Variants in CCDC3 observed in about 807,000 individuals in gnomAD.
CCDC3 encodes coiled-coil domain-containing protein 3.
Under a neutral mutation model 21.4 loss-of-function variants are expected in CCDC3, and 24 were observed. That is an observed-to-expected ratio of 1.12 (90% CI 0.81 to 1.58). The LOEUF is 1.58. Among genes scored for constraint, CCDC3 ranks in the 40% most tolerant of loss-of-function variants. The pLI is 0.00. For synonymous variants in CCDC3, 186 were observed against 166.0 expected, an observed-to-expected ratio of 1.12 and a Z score of -0.93; for missense variants, 425 against 360.9, an observed-to-expected ratio of 1.18 and a Z score of -1.44.
At chr10:12,951,441 G>T (rs1422817973) in intron 2 of CCDC3, among the ~76,000 whole-genome samples, 1 of 152,168 alleles carries the variant, frequency 6.6e-6, no homozygotes, top group East Asian at 1.9e-4. Context: ...GCAGTGGGCT[G>T]TGAAATCCAT....
intron 5 of CCDC3, among the ~76,000 whole-genome samples, chr10:13,033,643 A>C (rs546380290): frequency 6.6e-6 from 1 of 152,350 alleles, no homozygotes; most frequent in African/African-American, 2.4e-5. Context: ...ACAAATTTAC[A>C]AGAAAAAAGC....
upstream of CCDC3, among the ~76,000 whole-genome samples, chr10:13,003,338 G>T (rs974757422): frequency 6.6e-6 from 1 of 150,832 alleles, no homozygotes; most frequent in African/African-American, 2.5e-5. Context: ...TCATTTTACA[G>T]ATAACAGGCA....
intron 2 of CCDC3, among the ~76,000 whole-genome samples, chr10:12,956,660 C>T (rs1407648091): frequency 6.6e-6 from 1 of 152,250 alleles, no homozygotes. Context: ...CAAAGACTCT[C>T]TCCTGGACTA....
intron 2 of CCDC3, among the ~76,000 whole-genome samples, chr10:12,993,333 C>T (rs1178209148): frequency 8.5e-5 from 13 of 152,120 alleles, no homozygotes; most frequent in Non-Finnish European, 1.9e-4. Context: ...GGGATCTGCC[C>T]ACGGTCATTC....
intron 3 of CCDC3, among the ~76,000 whole-genome samples, chr10:13,087,136 G>A (rs1216555266): frequency 1.3e-5 from 2 of 152,180 alleles, no homozygotes; most frequent in Non-Finnish European, 2.9e-5. Context: ...CGGGCATGGT[G>A]GCTCACGCCT....
In CCDC3 at chr10:13,001,674, G is replaced by C. The variant is rs1415687898; in HGVS notation, c.-104C>G. On this transcript the variant is annotated 5_prime_UTR_variant, in exon 1 of 3. Transcript: ENST00000378825. ...GCTCGGCTGCTCGGGCCGCTCCCGG[G>C]AGCTGAGCGCACCGCTGTCTCCGCC... The C allele has an allele frequency of 6.5e-6, 5 of 770,930 alleles. No individual in the cohort carries two copies. Among genetic ancestry groups the C allele is most frequent in the Admixed American group, 5.7e-5 (1 of 17,398 alleles). The allele number at this position is 770,930 out of a possible 1,614,324, so 47.8% of individuals were successfully genotyped here. A position where few individuals can be genotyped will look rare whatever the true frequency, so the allele number is the denominator to read the frequency against.
At chr10:13,077,637 C>CCTG (rs1554766170) in intron 3 of CCDC3, among the ~76,000 whole-genome samples, 1 of 151,074 alleles carries the variant, frequency 6.6e-6, no homozygotes, top group Non-Finnish European at 1.5e-5. Context: ...ACCAAAACAG[C>CCTG]ACAGTACTGG....
In CCDC3 at chr10:12,968,202, T is replaced by TACACACACACACACACAC. The variant is rs71386134; in HGVS notation, c.549+30118_549+30135dup. Among the ~76,000 whole-genome samples, 503 of 143,558 alleles carry TACACACACACACACACAC rather than the reference T, an allele frequency of 3.5e-3. 7 individuals are homozygous for TACACACACACACACACAC. The highest frequency in any genetic ancestry group is 0.025 in the East Asian group (122 of 4,868). 94.2% of individuals were successfully genotyped at this position (143,558 alleles called of 152,430 possible). ...AAAAGAAAATACAAACACACACACA[T>TACACACACACACACACAC]ACACACACACACACACACACACAGA... On this transcript the variant is annotated intron_variant, in intron 2 of 2. Coordinates refer to ENST00000378825, the MANE Select transcript of CCDC3 (RefSeq NM_031455.4).
At chr10:13,073,826 C>T (rs950543743) in intron 4 of CCDC3, 6 of 152,116 alleles carry the variant, frequency 3.9e-5, no homozygotes, top group Admixed American at 2.6e-4. Context: ...AAAAGCTTAG[C>T]AATGAGAGAA....
At chr10:12,901,694 C>T (rs1169838059) in intron 2 of CCDC3, among the ~76,000 whole-genome samples, 2 of 152,188 alleles carry the variant, frequency 1.3e-5, no homozygotes, top group South Asian at 2.1e-4. Context: ...ACCATGCCCT[C>T]GTGCACAGTA....
chr10:13,037,731 G>C (rs1836395645), intron 5 of CCDC3, among the ~76,000 whole-genome samples: 1 of 152,326 alleles, frequency 6.6e-6, no homozygotes, highest in East Asian at 1.9e-4. Context: ...GGAGGCCAAG[G>C]TGGGAGGATT....
At chr10:13,086,613 A>AT (rs1246424450) in intron 3 of CCDC3, among the ~76,000 whole-genome samples, 1 of 151,542 alleles carries the variant, frequency 6.6e-6, no homozygotes, top group East Asian at 1.9e-4. Flanking sequence ...CGCCCCACTA[A>AT]TTTTTTGTAT....
chr10:12,932,356 T>C (rs1163684413), intron 2 of CCDC3, among the ~76,000 whole-genome samples: 2 of 152,210 alleles, frequency 1.3e-5, no homozygotes, highest in Non-Finnish European at 1.5e-5. Context: ...GGTCTACAGT[T>C]GGACAAAATA....
At chr10:13,018,615 G>A (rs1836102290) in intron 5 of CCDC3, among the ~76,000 whole-genome samples, 1 of 152,096 alleles carries the variant, frequency 6.6e-6, no homozygotes, top group Non-Finnish European at 1.5e-5. Context: ...CGTCTTAGTG[G>A]GATATTATGA....
chr10:12,933,076 A>G (rs1834675656), intron 2 of CCDC3, among the ~76,000 whole-genome samples: 1 of 151,668 alleles, frequency 6.6e-6, no homozygotes, highest in South Asian at 2.1e-4. Context: ...CATCATGTTG[A>G]TTTTTTTTCA....
chr10:13,039,982 G>C (rs1036833635), intron 5 of CCDC3, among the ~76,000 whole-genome samples: 1 of 151,738 alleles, frequency 6.6e-6, no homozygotes, highest in African/African-American at 2.4e-5. Flanking sequence ...TTGGTAAATG[G>C]TCTCTGGCAT....
At chr10:12,919,935 G>A (rs1447169687) in intron 2 of CCDC3, among the ~76,000 whole-genome samples, 1 of 152,156 alleles carries the variant, frequency 6.6e-6, no homozygotes, top group Non-Finnish European at 1.5e-5. Flanking sequence ...GCCTGATCAT[G>A]AGTGGAATTG....
intron 2 of CCDC3, among the ~76,000 whole-genome samples, chr10:12,951,899 G>A (rs972828515): frequency 3.3e-5 from 5 of 151,332 alleles, no homozygotes; most frequent in African/African-American, 4.9e-5. Context: ...GAGAGGGATC[G>A]CTGGTGTTTT....
chr10:12,949,476 G>A (rs1017145020), intron 2 of CCDC3, among the ~76,000 whole-genome samples: 20 of 152,174 alleles, frequency 1.3e-4, no homozygotes, highest in African/African-American at 4.3e-4. Context: ...GGAGCCACCC[G>A]ATGGAGGGAT....
Sources: gnomAD v4.1 joint callset for allele counts (sites outside exome capture counted in the v4.1 genomes callset) on GRCh38, gnomAD v4.1.1 for gene constraint, MANE v1.5 for transcripts, NCBI Gene and HGNC (gene_info 2026-07-23, HGNC 2026-07-21) for gene names.